LRP1B: variants seen among roughly 807,000 people sequenced by gnomAD.
LRP1B encodes LDL receptor related protein 1B.
LRP1B carries 217 observed loss-of-function variants against 556.6 expected under a neutral mutation model. That is an observed-to-expected ratio of 0.39 (90% CI 0.35 to 0.44). The LOEUF (loss-of-function observed/expected upper bound fraction) is 0.44, where lower values mean the gene tolerates loss of function less well. Ranked by LOEUF, LRP1B falls within the 20% of genes least tolerant of loss-of-function variation. LRP1B has a pLI of 1.00. For synonymous variants in LRP1B, 2,047 were observed against 1,865.8 expected (o/e 1.10, Z -2.50); for missense variants, 5,053 against 5,620.8 (o/e 0.90, Z 3.23).
intron 18 of LRP1B, among the ~76,000 whole-genome samples, chr2:140,962,506 T>C (rs914570149): frequency 1.3e-5 from 2 of 152,238 alleles, no homozygotes; most frequent in Non-Finnish European, 2.9e-5. Context: ...TTTAAAACTT[T>C]AAACCCTATA....
At chr2:140,244,467 CAATTTTATGTAAATTTTAA>C (rs1375716075) in intron 87 of LRP1B, among the ~76,000 whole-genome samples, 1 of 151,124 alleles carries the variant, frequency 6.6e-6, no homozygotes. Flanking sequence ...ATTCAATGCT[CAATTTTATGTAAATTTTAA>C]AATTTTATGT....
chr2:141,302,662 T>C (rs186815212), intron 3 of LRP1B, among the ~76,000 whole-genome samples: 28 of 152,112 alleles, frequency 1.8e-4, no homozygotes, highest in African/African-American at 6.8e-4. Context: ...TGTTACAAGA[T>C]GGCAGTCTTC....
chr2:141,450,198 A>C (rs767111172), intron 3 of LRP1B, among the ~76,000 whole-genome samples: 1 of 152,180 alleles, frequency 6.6e-6, no homozygotes, highest in Non-Finnish European at 1.5e-5. Context: ...CACACTTTCT[A>C]TCTACTGCCT....
rs1180676373 is a variant in LRP1B at position 142,130,891 on chromosome 2, C to A, written c.-162G>T. 4.4e-6 allele frequency: 3 copies of A among 677,480 alleles called. No individual in the cohort carries two copies. The highest frequency in any genetic ancestry group is 8.0e-6 in the Non-Finnish European group (3 of 374,750). The allele number at this position is 677,480 out of a possible 1,614,324, so 42.0% of individuals were successfully genotyped here. Reference sequence around the variant, plus strand: ...AGCTCAATGAGTCCAGCCAGTCAGCCTTCTCCTGCCTGGAGCAGGATGTGG... The same window carrying A: ...AGCTCAATGAGTCCAGCCAGTCAGCATTCTCCTGCCTGGAGCAGGATGTGG... On this transcript the variant is annotated 5_prime_UTR_variant, in exon 1 of 91. In the 5' UTR this introduces an upstream ATG that the reference lacks. Coordinates refer to ENST00000389484, the MANE Select transcript of LRP1B (RefSeq NM_018557.3).
chr2:140,969,213 C>T (rs974691254), intron 18 of LRP1B, among the ~76,000 whole-genome samples: 1 of 152,124 alleles, frequency 6.6e-6, no homozygotes, highest in African/African-American at 2.4e-5. Flanking sequence ...TCTGGGTGCT[C>T]CTGTATTGGG....
chr2:141,397,877 T>C (rs1364296443), intron 3 of LRP1B, among the ~76,000 whole-genome samples: 4 of 151,196 alleles, frequency 2.6e-5, no homozygotes, highest in Admixed American at 2.6e-4. Context: ...ATATGCACAT[T>C]TTTACTATCA....
chr2:141,184,356 C>T (rs1681143768), intron 7 of LRP1B, among the ~76,000 whole-genome samples: 2 of 151,918 alleles, frequency 1.3e-5, no homozygotes, highest in South Asian at 2.1e-4. Context: ...TGTCCCTTCT[C>T]CCCTGATGCA....
intron 41 of LRP1B, among the ~76,000 whole-genome samples, chr2:140,662,773 C>A (rs981828814): frequency 6.6e-6 from 1 of 151,956 alleles, no homozygotes. Context: ...TGCCTTAGGT[C>A]TAAAATACAA....
intron 2 of LRP1B, among the ~76,000 whole-genome samples, chr2:141,596,107 A>G (rs1687508333): frequency 6.6e-6 from 1 of 151,970 alleles, no homozygotes; most frequent in South Asian, 2.1e-4. Context: ...ATAGCGAACC[A>G]TGGCAAACCT....
intron 2 of LRP1B, among the ~76,000 whole-genome samples, chr2:141,595,249 G>A (rs1474853048): frequency 6.6e-6 from 1 of 152,010 alleles, no homozygotes; most frequent in African/African-American, 2.4e-5. Flanking sequence ...TCAGGATCTA[G>A]GGAAAATATA....
intron 1 of LRP1B, among the ~76,000 whole-genome samples, chr2:141,891,542 CA>C (rs1240258157): frequency 3.3e-5 from 5 of 152,084 alleles, no homozygotes; most frequent in African/African-American, 1.2e-4. Context: ...AGATTTTATG[CA>C]TACTCCGCAT....
intron 3 of LRP1B, among the ~76,000 whole-genome samples, chr2:141,452,827 C>T (rs899041812): frequency 1.3e-5 from 2 of 152,120 alleles, no homozygotes; most frequent in Non-Finnish European, 2.9e-5. Flanking sequence ...CTTTTCTTAC[C>T]CCTCTTGTAC....
rs539936520 is a variant in LRP1B, at chr2:141,730,027, C to T, written c.205+80252G>A. Among the ~76,000 whole-genome samples, 276 of 152,196 alleles carry T rather than the reference C, an allele frequency of 1.8e-3. 1 individual carries two copies. Among genetic ancestry groups the T allele is most frequent in the African/African-American group, 6.4e-3 (267 of 41,532 alleles). On this transcript the variant is annotated intron_variant, in intron 2 of 90. Coordinates refer to ENST00000389484, the MANE Select transcript of LRP1B (RefSeq NM_018557.3). ...GAGGTTGGAAGTCTGTTGAAGCCCC[C>T]CAACAGACACAAAGGCAAAACTGTC... is the stretch of plus-strand genomic sequence containing the variant.
At chr2:140,527,219 A>C in intron 47 of LRP1B, among the ~76,000 whole-genome samples, 1 of 151,998 alleles carries the variant, frequency 6.6e-6, no homozygotes, top group South Asian at 2.1e-4. Flanking sequence ...AGTGGTTTCC[A>C]GTAAAATGCT....
At chr2:140,666,554 T>C (rs76981667) in intron 41 of LRP1B, among the ~76,000 whole-genome samples, 13,770 of 152,124 alleles carry the variant, frequency 0.091, 794 homozygotes, top group East Asian at 0.25. Context: ...ATTACTTGAA[T>C]AAAAAGATGA....
chr2:141,559,369 A>G (rs1686066571), intron 2 of LRP1B, among the ~76,000 whole-genome samples: 1 of 151,712 alleles, frequency 6.6e-6, no homozygotes, highest in Admixed American at 6.6e-5. Context: ...AATACTAACC[A>G]TATGCCCATG....
chr2:140,257,911 C>T (rs1208203341), intron 86 of LRP1B, among the ~76,000 whole-genome samples: 2 of 152,152 alleles, frequency 1.3e-5, no homozygotes, highest in African/African-American at 4.8e-5. Flanking sequence ...GGTCACTGGT[C>T]CATGTGGAGG....
chr2:140,749,280 C>T (rs1688487756), intron 35 of LRP1B, among the ~76,000 whole-genome samples: 1 of 152,104 alleles, frequency 6.6e-6, no homozygotes. Context: ...ACCCTGCACA[C>T]TTAGGCTACA....
At chr2:141,748,485 C>G (rs752068813) in intron 2 of LRP1B, among the ~76,000 whole-genome samples, 1 of 152,138 alleles carries the variant, frequency 6.6e-6, no homozygotes, top group African/African-American at 2.4e-5. Flanking sequence ...TGGGCAAGCG[C>G]TCATTATCAA....
Sources: allele counts gnomAD v4.1 joint callset (sites outside exome capture counted in the v4.1 genomes callset), GRCh38; gene constraint gnomAD v4.1.1; transcripts MANE v1.5; gene names NCBI Gene and HGNC (gene_info 2026-07-23, HGNC 2026-07-21).